The following GNG12 variants were observed in gnomAD, a reference collection of about 807,000 sequenced individuals.
The protein encoded by GNG12 is G protein subunit gamma 12.
For synonymous variants in GNG12, 28 were observed against 29.7 expected (o/e 0.94, Z 0.19); for missense variants, 69 against 83.8 (o/e 0.82, Z 0.69).
intron 1 of GNG12, among the ~76,000 whole-genome samples, chr1:67,791,085 T>C (rs1438214290): frequency 6.6e-6 from 1 of 152,230 alleles, no homozygotes; most frequent in East Asian, 1.9e-4. Flanking sequence ...ACACAAGAGT[T>C]AATTCTGAAA....
At chr1:67,736,699 TG>T (rs1276521812) in intron 2 of GNG12, among the ~76,000 whole-genome samples, 1 of 152,154 alleles carries the variant, frequency 6.6e-6, no homozygotes, top group Non-Finnish European at 1.5e-5. Context: ...GACAGTTCCT[TG>T]GTAAGAACCG....
chr1:67,800,160 C>T (rs187967218), intron 1 of GNG12, among the ~76,000 whole-genome samples: 1 of 152,288 alleles, frequency 6.6e-6, no homozygotes, highest in Non-Finnish European at 1.5e-5. Flanking sequence ...GAGTTTTTAA[C>T]ATCACACATT....
At chr1:67,824,509 CAAAAAAAAAAA>C (rs35736017) in intron 1 of GNG12, among the ~76,000 whole-genome samples, 2 of 94,174 alleles carry the variant, frequency 2.1e-5, no homozygotes, top group African/African-American at 4.3e-5. Context: ...GATCCTGTCT[CAAAAAAAAAAA>C]AAAAAAAAGG....
chr1:67,724,398 T>C (rs947586213), intron 2 of GNG12, among the ~76,000 whole-genome samples: 1 of 152,194 alleles, frequency 6.6e-6, no homozygotes, highest in African/African-American at 2.4e-5. Context: ...GTCAATTCCA[T>C]TCGTTCATTC....
At chr1:67,730,650 G>C (rs924644693) in intron 2 of GNG12, among the ~76,000 whole-genome samples, 1 of 152,216 alleles carries the variant, frequency 6.6e-6, no homozygotes, top group African/African-American at 2.4e-5. Flanking sequence ...GGTGGGAAAG[G>C]AAATACAAAG....
intron 1 of GNG12, among the ~76,000 whole-genome samples, chr1:67,807,449 T>A (rs1646900046): frequency 6.8e-6 from 1 of 148,120 alleles, no homozygotes; most frequent in Non-Finnish European, 1.5e-5. Flanking sequence ...ATAAAAAAAT[T>A]CAAATTAAAG....
At chr1:67,773,629 G>C (rs191760018) in intron 2 of GNG12, among the ~76,000 whole-genome samples, 1 of 152,270 alleles carries the variant, frequency 6.6e-6, no homozygotes, top group Admixed American at 6.5e-5. Context: ...GATCATGCAG[G>C]GTCAATGTAA....
intron 2 of GNG12, among the ~76,000 whole-genome samples, chr1:67,761,518 T>C (rs1646604461): frequency 1.3e-5 from 2 of 152,194 alleles, no homozygotes; most frequent in Non-Finnish European, 1.5e-5. Context: ...GGTTCAATGA[T>C]GAGTTACTGT....
intron 2 of GNG12, among the ~76,000 whole-genome samples, chr1:67,767,927 G>T (rs553329879): frequency 3.6e-3 from 546 of 152,316 alleles, no homozygotes; most frequent in Non-Finnish European, 4.8e-3. Context: ...ACAAAAAACA[G>T]TGTTCTGCAA....
intron 2 of GNG12, among the ~76,000 whole-genome samples, chr1:67,729,266 A>G (rs1000425686): frequency 1.3e-5 from 2 of 152,170 alleles, no homozygotes; most frequent in Non-Finnish European, 2.9e-5. Flanking sequence ...AGATCTATCT[A>G]TGGTCCTGGG....
At chr1:67,810,631 T>A (rs1646919432) in intron 1 of GNG12, among the ~76,000 whole-genome samples, 1 of 152,208 alleles carries the variant, frequency 6.6e-6, no homozygotes, top group Non-Finnish European at 1.5e-5. Context: ...TCTGCCGCAA[T>A]GTCTGCTTTA....
chr1:67,762,276 G>A (rs1476952777), intron 2 of GNG12, among the ~76,000 whole-genome samples: 1 of 152,078 alleles, frequency 6.6e-6, no homozygotes, highest in Non-Finnish European at 1.5e-5. Flanking sequence ...CTACCCCATG[G>A]ACTTGAAACA....
chr1:67,801,987 G>A (rs1276314), intron 1 of GNG12, among the ~76,000 whole-genome samples: 44,540 of 151,728 alleles, frequency 0.29, 6,676 homozygotes, highest in Admixed American at 0.35. Flanking sequence ...GGAGGTACAG[G>A]GGAGGAAATA....
chr1:67,782,679 CAT>C (rs1166028197), intron 1 of GNG12, among the ~76,000 whole-genome samples: 4 of 152,110 alleles, frequency 2.6e-5, no homozygotes, highest in Admixed American at 1.3e-4. Flanking sequence ...AAAAAATACA[CAT>C]AGATTCCTAT....
rs563497616 is a variant in GNG12 at position 67,820,082 on chromosome 1, T to G, written c.-77+13262A>C. On this transcript the variant is annotated intron_variant, in intron 1 of 3. Transcript: ENST00000370982. ...AAGTAGACAATCAATAAACATTTGC[T>G]GAATTAAAAAAAAAAAAAAAGATCA... Among the ~76,000 whole-genome samples, 293 of 105,510 alleles carry G rather than the reference T, an allele frequency of 2.8e-3. 2 individuals carry two copies. Among genetic ancestry groups the G allele is most frequent in the Non-Finnish European group, 4.7e-3 (237 of 50,264 alleles). 69.2% of individuals were successfully genotyped at this position (105,510 alleles called of 152,430 possible).
At chr1:67,793,643 T>G (rs1393526338) in intron 1 of GNG12, among the ~76,000 whole-genome samples, 1 of 152,200 alleles carries the variant, frequency 6.6e-6, no homozygotes, top group Non-Finnish European at 1.5e-5. Flanking sequence ...GCTGTGCAAG[T>G]GGCTTTCTTC....
At chr1:67,747,702 T>C (rs1164072289) in intron 2 of GNG12, among the ~76,000 whole-genome samples, 2 of 152,230 alleles carry the variant, frequency 1.3e-5, no homozygotes, top group Admixed American at 6.5e-5. Context: ...AAAAGTCTGA[T>C]TTTACATGTG....
At chr1:67,709,398 C>G (rs1646268011) in intron 2 of GNG12, among the ~76,000 whole-genome samples, 1 of 152,100 alleles carries the variant, frequency 6.6e-6, no homozygotes, top group Non-Finnish European at 1.5e-5. Flanking sequence ...GGCACCAGCC[C>G]TTTTTAGAGT....
intron 2 of GNG12, among the ~76,000 whole-genome samples, chr1:67,743,704 G>A (rs1419763099): frequency 1.3e-5 from 2 of 152,138 alleles, no homozygotes; most frequent in African/African-American, 4.8e-5. Context: ...AACTCAAAGA[G>A]CAATTAATTT....
Sources: allele counts gnomAD v4.1 joint callset (sites outside exome capture counted in the v4.1 genomes callset), GRCh38; gene constraint gnomAD v4.1.1; transcripts MANE v1.5; gene names NCBI Gene and HGNC (gene_info 2026-07-23, HGNC 2026-07-21).